Variants in NEDD4L observed in about 807,000 individuals in gnomAD.
NEDD4L encodes the protein E3 ubiquitin-protein ligase NEDD4-like.
A neutral mutation model predicts 148.9 loss-of-function variants in NEDD4L; 54 were observed. The ratio of observed to expected loss-of-function variants is 0.36; its 90% CI spans 0.29 to 0.45. The LOEUF is 0.45. Among genes scored for constraint, NEDD4L ranks in the 20% least tolerant of loss-of-function variants. The pLI is 1.00. For missense variants in NEDD4L, 856 were observed against 1,233.8 expected, an observed-to-expected ratio of 0.69 and a Z score of 4.59; for synonymous variants, 433 against 440.7, an observed-to-expected ratio of 0.98 and a Z score of 0.22.
intron 1 of NEDD4L, among the ~76,000 whole-genome samples, chr18:58,054,300 G>C (rs2082003231): frequency 6.6e-6 from 1 of 152,210 alleles, no homozygotes; most frequent in African/African-American, 2.4e-5. Context: ...ACTTTGTGGA[G>C]AATCTTCTGC....
At position 58,109,581 on chromosome 18, in the gene NEDD4L, T is replaced by G. The variant is rs1238624926; in HGVS notation, c.49-56207T>G. ...AGGAGGTTTTTTTTTTGTTTTTTTT[T>G]TTTTTTTTGAGACGGAGTCTCACTC... On this transcript the variant is annotated intron_variant, in intron 1 of 30. Transcript: ENST00000400345. Among the ~76,000 whole-genome samples the G allele has an allele frequency of 4.0e-5, 6 of 148,254 alleles. 1 individual carries two copies. The highest frequency in any genetic ancestry group is 7.5e-5 in the Non-Finnish European group (5 of 66,902).
At chr18:58,230,865 A>T (rs1599966570) in intron 2 of NEDD4L, among the ~76,000 whole-genome samples, 1 of 152,248 alleles carries the variant, frequency 6.6e-6, no homozygotes, top group Non-Finnish European at 1.5e-5. Context: ...ACAAGGTTGC[A>T]TGGAAAAGAC....
At chr18:58,044,756 C>G in intron 1 of NEDD4L, 48 bp downstream of exon 1, 1 of 1,588,812 alleles carries the variant, frequency 6.3e-7, no homozygotes, top group South Asian at 1.1e-5. Context: ...GAGTTCCTAT[C>G]CCGCGCCGGC....
chr18:58,386,926 C>T (rs1001258105), intron 26 of NEDD4L, among the ~76,000 whole-genome samples: 1 of 152,212 alleles, frequency 6.6e-6, no homozygotes, highest in African/African-American at 2.4e-5. Flanking sequence ...AGAAACGCGG[C>T]GTTCGCAGCG....
intron 1 of NEDD4L, among the ~76,000 whole-genome samples, chr18:58,163,557 A>G (rs11152063): frequency 0.5 from 75,547 of 152,072 alleles, 18,957 homozygotes; most frequent in Admixed American, 0.56. Flanking sequence ...GTTACTTTAC[A>G]TCCCTTAATC....
intron 1 of NEDD4L, among the ~76,000 whole-genome samples, chr18:58,073,846 A>AT (rs2083019043): frequency 6.6e-6 from 1 of 152,346 alleles, no homozygotes; most frequent in South Asian, 2.1e-4. Context: ...GGCAGACTTT[A>AT]TGGTATATGA....
chr18:58,183,575 C>T (rs963334954), intron 2 of NEDD4L, among the ~76,000 whole-genome samples: 1 of 152,214 alleles, frequency 6.6e-6, no homozygotes, highest in African/African-American at 2.4e-5. Context: ...GCACCCCCCT[C>T]CTTGGAGATA....
At chr18:58,237,521 A>T (rs1455115558) in intron 2 of NEDD4L, among the ~76,000 whole-genome samples, 2 of 152,210 alleles carry the variant, frequency 1.3e-5, no homozygotes, top group African/African-American at 4.8e-5. Flanking sequence ...GGGATATTTC[A>T]GTAATTTATA....
intron 1 of NEDD4L, among the ~76,000 whole-genome samples, chr18:58,164,712 G>A (rs562456033): frequency 6.6e-6 from 1 of 152,208 alleles, no homozygotes; most frequent in East Asian, 1.9e-4. Context: ...CTCGTGATCC[G>A]CCTGCCTCGG....
chr18:58,198,060 AAG>A, intron 2 of NEDD4L, among the ~76,000 whole-genome samples: 1 of 152,138 alleles, frequency 6.6e-6, no homozygotes, highest in East Asian at 1.9e-4. Flanking sequence ...ACATAAAGGA[AAG>A]AGCTGTCTGG....
At chr18:58,378,328 T>C (rs1406380034) in intron 24 of NEDD4L, among the ~76,000 whole-genome samples, 1 of 152,038 alleles carries the variant, frequency 6.6e-6, no homozygotes, top group African/African-American at 2.4e-5. Context: ...CTAAAAAGGC[T>C]CTTTAGGGGG....
intron 24 of NEDD4L, among the ~76,000 whole-genome samples, chr18:58,375,393 GCAGCCCTGAAAAT>G (rs373796661): frequency 1.6e-4 from 24 of 152,146 alleles, no homozygotes; most frequent in African/African-American, 4.3e-4. Flanking sequence ...TTTCTGAAAT[GCAGCCCTGAAAAT>G]GTCCTTCTTC....
intron 1 of NEDD4L, among the ~76,000 whole-genome samples, chr18:58,136,512 G>A (rs886782163): frequency 6.6e-6 from 1 of 152,194 alleles, no homozygotes; most frequent in Non-Finnish European, 1.5e-5. Flanking sequence ...GGAACCTGAT[G>A]CTGATGAAAG....
chr18:58,160,417 G>T lies in NEDD4L; in HGVS notation c.49-5371G>T, dbSNP rs556266843. Among the ~76,000 whole-genome samples the T allele has an allele frequency of 1.0e-3, 155 of 152,280 alleles. 1 individual carries two copies. The highest frequency in any genetic ancestry group is 3.4e-3 in the African/African-American group (142 of 41,572). Reference sequence around the variant, plus strand: ...TATGTAAAGCTTATAGAATCACCCCGTTACACAATAACAATGCAGAACAAT... The same window carrying T: ...TATGTAAAGCTTATAGAATCACCCCTTTACACAATAACAATGCAGAACAAT... On this transcript the variant is annotated intron_variant, in intron 1 of 30. Coordinates refer to ENST00000400345, the MANE Select transcript of NEDD4L (RefSeq NM_001144967.3).
At chr18:58,299,220 A>C (rs1486172004) in intron 5 of NEDD4L, among the ~76,000 whole-genome samples, 1 of 152,262 alleles carries the variant, frequency 6.6e-6, no homozygotes, top group African/African-American at 2.4e-5. Context: ...CACTGTGTGC[A>C]TCCCGCATGA....
At chr18:58,154,703 C>G (rs919454022) in intron 1 of NEDD4L, among the ~76,000 whole-genome samples, 2 of 152,184 alleles carry the variant, frequency 1.3e-5, no homozygotes, top group Non-Finnish European at 2.9e-5. Flanking sequence ...ACGAGAATCG[C>G]TTGAACCCAG....
At chr18:58,165,110 T>G (rs1424648059) in intron 1 of NEDD4L, among the ~76,000 whole-genome samples, 1 of 152,194 alleles carries the variant, frequency 6.6e-6, no homozygotes, top group African/African-American at 2.4e-5. Flanking sequence ...CTTGTTGCCT[T>G]CAATAGAGCC....
At chr18:58,146,280 G>T (rs536159588) in intron 1 of NEDD4L, among the ~76,000 whole-genome samples, 4 of 152,288 alleles carry the variant, frequency 2.6e-5, no homozygotes, top group African/African-American at 9.6e-5. Context: ...ATGAGGTGGT[G>T]CGTGGTGGCC....
intron 6 of NEDD4L, among the ~76,000 whole-genome samples, chr18:58,318,479 C>T (rs765087747): frequency 3.8e-4 from 58 of 152,192 alleles, no homozygotes; most frequent in Non-Finnish European, 7.6e-4. Flanking sequence ...ATCGCTTGAG[C>T]ATGGGAGGTC....
Sources: gnomAD v4.1 joint callset for allele counts (sites outside exome capture counted in the v4.1 genomes callset) on GRCh38, gnomAD v4.1.1 for gene constraint, MANE v1.5 for transcripts, NCBI Gene and HGNC (gene_info 2026-07-23, HGNC 2026-07-21) for gene names.